Variants in SLC6A6 observed in about 807,000 individuals in gnomAD.
SLC6A6 encodes sodium- and chloride-dependent taurine transporter.
A neutral mutation model predicts 68.8 loss-of-function variants in SLC6A6; 16 were observed. That is an observed-to-expected ratio of 0.23 (90% CI 0.16 to 0.35). The LOEUF (loss-of-function observed/expected upper bound fraction) is 0.35. Among genes scored for constraint, SLC6A6 ranks in the 10% least tolerant of loss-of-function variants. The probability of loss-of-function intolerance (pLI) is 1.00; values close to 1 mark genes in which losing one functional copy is unlikely to be tolerated. For synonymous variants in SLC6A6, 312 were observed against 315.4 expected (o/e 0.99, Z 0.12); for missense variants, 474 against 802.8 (o/e 0.59, Z 4.95).
intron 2 of SLC6A6, among the ~76,000 whole-genome samples, chr3:14,439,685 G>A (rs762513112): frequency 3.9e-5 from 6 of 152,208 alleles, no homozygotes; most frequent in Non-Finnish European, 5.9e-5. Context: ...AGCCCTTGTC[G>A]GCGGGTGCAG....
chr3:14,470,087 C>T (rs1052726378), intron 9 of SLC6A6, among the ~76,000 whole-genome samples: 4 of 152,158 alleles, frequency 2.6e-5, no homozygotes, highest in African/African-American at 4.8e-5. Context: ...GCAAACCAAT[C>T]GCAATTGAGT....
At chr3:14,454,434 G>A (rs935783839) in intron 5 of SLC6A6, among the ~76,000 whole-genome samples, 1 of 152,166 alleles carries the variant, frequency 6.6e-6, no homozygotes. Flanking sequence ...GCTGGGTAGG[G>A]ATTGGCTGGG....
chr3:14,477,215 T>C lies in SLC6A6; in HGVS notation c.1220T>C (p.Val407Ala), dbSNP rs1230075779. The C allele has an allele frequency of 6.2e-7, 1 of 1,612,906 alleles. No homozygotes were observed. The highest frequency in any genetic ancestry group is 8.5e-7 in the Non-Finnish European group (1 of 1,179,546). Reference protein sequence around the residue: ...LLGLDSQFVEVEGQITSLVDL... With the variant: ...LLGLDSQFVEAEGQITSLVDL... ...TCTTCCCCTCCTCAGTTTGTTGAAGTTGAAGGACAGATCACATCCTTGGTT... is the reference window on the plus strand; with the variant it reads ...TCTTCCCCTCCTCAGTTTGTTGAAGCTGAAGGACAGATCACATCCTTGGTT... Residue 407 changes from valine (V) to alanine (A), a missense_variant, in exon 11 of 15, where the codon GTT (valine) becomes GCT (alanine). By Grantham distance (64) the Val-to-Ala change is moderately conservative. Transcript: ENST00000622186. The surrounding 1 kb of genome is among the most constrained non-coding windows in gnomAD (Gnocchi z 4.2).
chr3:14,461,814 G>T (rs1054146563), intron 6 of SLC6A6, among the ~76,000 whole-genome samples: 4 of 152,174 alleles, frequency 2.6e-5, no homozygotes, highest in Non-Finnish European at 4.4e-5. Context: ...GCCTGCCTAG[G>T]ATCTCTGGGA....
rs1161386922 is a variant in SLC6A6, at chr3:14,450,837, G to T, written c.599+3021G>T. Among the ~76,000 whole-genome samples, 2 of 152,256 alleles carry T rather than the reference G, an allele frequency of 1.3e-5. No homozygotes were observed. The highest frequency in any genetic ancestry group is 2.9e-5 in the Non-Finnish European group (2 of 68,046). On this transcript the variant is annotated intron_variant, in intron 5 of 14. Coordinates refer to ENST00000622186, the MANE Select transcript of SLC6A6 (RefSeq NM_003043.6). This position sits in a 1 kb window ranked among gnomAD's most constrained non-coding sequence, Gnocchi z 4.1. ...GTGGAAAGGCAAGAGAACCAGTAGGGAATAGTTGACTCCTGTGAGCATAGT... is the reference window on the plus strand; with the variant it reads ...GTGGAAAGGCAAGAGAACCAGTAGGTAATAGTTGACTCCTGTGAGCATAGT...
rs749068185 is a variant in SLC6A6 at position 14,478,510 on chromosome 3, C to T, written c.1392C>T (p.Ser464=). ...AGCTCTTTGACTACTATGCAGCTAG[C>T]GGTGTATGCCTTTTGTGGGTTGCAT... is the stretch of plus-strand genomic sequence containing the variant. The part of the protein sequence containing the change: ...VFQLFDYYAA[S]GVCLLWVAFF... The change falls in exon 12 of 15, where the codon AGC becomes AGT. Residue 464 remains serine (S), a synonymous_variant. Coordinates refer to ENST00000622186, the MANE Select transcript of SLC6A6 (RefSeq NM_003043.6). 48 of 1,613,430 alleles carry T rather than the reference C, an allele frequency of 3.0e-5. No homozygotes were observed. In the Admixed American group the frequency reaches 4.0e-4, roughly 13 times the overall value.
chr3:14,473,476 C>T (rs1397022319), intron 10 of SLC6A6, among the ~76,000 whole-genome samples: 1 of 152,070 alleles, frequency 6.6e-6, no homozygotes, highest in African/African-American at 2.4e-5. Flanking sequence ...TGTCCCCCTC[C>T]CCGCGGGCCG....
chr3:14,446,560 A>G (rs1700125872), intron 4 of SLC6A6, among the ~76,000 whole-genome samples: 2 of 152,226 alleles, frequency 1.3e-5, no homozygotes, highest in African/African-American at 4.8e-5. Flanking sequence ...TCTAAACAAG[A>G]AAAAAGAAGC....
At chr3:14,418,217 G>A (rs1391826986) in intron 2 of SLC6A6, among the ~76,000 whole-genome samples, 2 of 152,172 alleles carry the variant, frequency 1.3e-5, no homozygotes, top group African/African-American at 4.8e-5. Flanking sequence ...TTTGGAATTA[G>A]AAAACCCTGG....
intron 3 of SLC6A6, among the ~76,000 whole-genome samples, chr3:14,445,376 A>C (rs1384255742): frequency 6.6e-6 from 1 of 151,732 alleles, no homozygotes. Flanking sequence ...AGCCGAGATC[A>C]CGCCACTGCA....
intron 2 of SLC6A6, among the ~76,000 whole-genome samples, chr3:14,431,522 C>T (rs969440203): frequency 3.9e-5 from 6 of 152,086 alleles, no homozygotes; most frequent in African/African-American, 9.7e-5. Flanking sequence ...AAGAGTGTAC[C>T]GGGCTGAGGG....
intron 5 of SLC6A6, 182 bp downstream of exon 5, chr3:14,447,998 A>G (rs1700169100): frequency 7.1e-7 from 1 of 1,401,012 alleles, no homozygotes; most frequent in Non-Finnish European, 9.4e-7. Context: ...CAGTTCTGCC[A>G]CTTACTGGCT....
intron 2 of SLC6A6, among the ~76,000 whole-genome samples, chr3:14,443,091 T>C (rs1294395657): frequency 6.6e-6 from 1 of 152,258 alleles, no homozygotes; most frequent in Admixed American, 6.5e-5. Flanking sequence ...CTATCTGTTT[T>C]TTTAACTTAC....
intron 2 of SLC6A6, among the ~76,000 whole-genome samples, chr3:14,418,899 C>G (rs1010743810): frequency 2.6e-5 from 4 of 152,186 alleles, no homozygotes; most frequent in African/African-American, 9.7e-5. Flanking sequence ...GACTCTAGCC[C>G]ACTTCCTCAG....
At position 14,485,148 on chromosome 3, in the gene SLC6A6, A is replaced by G. The variant is rs1126666; in HGVS notation, c.*141A>G. The G allele has an allele frequency of 0.53, 319,943 of 603,410 alleles. 88,593 individuals are homozygous for G. The highest frequency in any genetic ancestry group is 0.6 in the Non-Finnish European group (220,061 of 367,362). The allele number at this position is 603,410 out of a possible 1,614,324, so 37.4% of individuals were successfully genotyped here. On this transcript the variant is annotated 3_prime_UTR_variant, in exon 15 of 15. Transcript: ENST00000622186. ...TGTCACAGAAAATGTAATTGTGGGT[A>G]TGTGTGCGTGCGTGTGTGTGTGTGT... is the stretch of plus-strand genomic sequence containing the variant.
At chr3:14,464,829 G>A (rs1700579533) in intron 6 of SLC6A6, among the ~76,000 whole-genome samples, 1 of 152,230 alleles carries the variant, frequency 6.6e-6, no homozygotes, top group African/African-American at 2.4e-5. Flanking sequence ...AAGGTCCCCT[G>A]ATCCCCAGAT....
intron 5 of SLC6A6, among the ~76,000 whole-genome samples, chr3:14,456,559 C>T (rs1700372179): frequency 6.6e-6 from 1 of 152,162 alleles, no homozygotes; most frequent in South Asian, 2.1e-4. Context: ...GTTGAAGCTT[C>T]TCTAAAAAAA....
chr3:14,420,991 C>T (rs980532867), intron 2 of SLC6A6, among the ~76,000 whole-genome samples: 1 of 152,132 alleles, frequency 6.6e-6, no homozygotes, highest in Non-Finnish European at 1.5e-5. Context: ...GCTTGCTGGT[C>T]GAATGGGGTG....
chr3:14,412,922 G>A (rs761962894), intron 1 of SLC6A6, among the ~76,000 whole-genome samples: 9 of 152,254 alleles, frequency 5.9e-5, no homozygotes, highest in African/African-American at 9.6e-5. Flanking sequence ...GGAGCCTGCC[G>A]GCATTCGTGC....
Sources: allele counts gnomAD v4.1 joint callset (sites outside exome capture counted in the v4.1 genomes callset), GRCh38; gene constraint gnomAD v4.1.1; non-coding constraint Gnocchi (gnomAD v3.1); transcripts MANE v1.5; gene names NCBI Gene and HGNC (gene_info 2026-07-23, HGNC 2026-07-21).